Variants in ASTN1 observed in about 807,000 individuals in gnomAD.
ASTN1 encodes the protein astrotactin 1.
A neutral mutation model predicts 140.7 loss-of-function variants in ASTN1; 41 were observed. That is an observed-to-expected ratio of 0.29 (90% CI 0.23 to 0.38). The LOEUF (loss-of-function observed/expected upper bound fraction) is 0.38, where lower values mean the gene tolerates loss of function less well. ASTN1 is among the 10% of genes least tolerant of loss of function. The probability of loss-of-function intolerance (pLI) is 1.00; values close to 1 mark genes in which losing one functional copy is unlikely to be tolerated. For synonymous variants in ASTN1, 640 were observed against 652.2 expected (o/e 0.98, Z 0.29); for missense variants, 1,479 against 1,678.8 (o/e 0.88, Z 2.08).
chr1:176,876,387 GGCAACGCT>G, intron 21 of ASTN1, 142 bp downstream of exon 21: 1 of 736,852 alleles, frequency 1.4e-6, no homozygotes, highest in Non-Finnish European at 2.2e-6. Flanking sequence ...TTTCTGGAAA[GGCAACGCT>G]CCTGTACTGG....
chr1:176,953,030 T>C (rs1462756646), intron 11 of ASTN1, among the ~76,000 whole-genome samples: 1 of 152,178 alleles, frequency 6.6e-6, no homozygotes, highest in African/African-American at 2.4e-5. Flanking sequence ...ATACACAAGG[T>C]TAATCACCTT....
At position 176,925,856 on chromosome 1, in the gene ASTN1, A is replaced by T. The variant is rs554746806; in HGVS notation, c.2671+8296T>A. On this transcript the variant is annotated intron_variant, in intron 16 of 22. Coordinates refer to ENST00000361833, the MANE Select transcript of ASTN1 (RefSeq NM_004319.3). ...AGTCTCGCTCTGTCACCCAGGCTGG[A>T]CTGCAGTGGCACAATCTCGGCTCAC... Among the ~76,000 whole-genome samples, 59 of 147,998 alleles carry T rather than the reference A, an allele frequency of 4.0e-4. No homozygotes were observed. The East Asian group carries it at 8.1e-3, about 20-fold the overall frequency.
At chr1:176,926,719 T>C (rs1230346991) in intron 16 of ASTN1, among the ~76,000 whole-genome samples, 1 of 152,212 alleles carries the variant, frequency 6.6e-6, no homozygotes, top group Non-Finnish European at 1.5e-5. Flanking sequence ...GAAAGATCCT[T>C]TGGAGCTAGT....
chr1:176,984,516 C>T (rs1336090111), intron 8 of ASTN1, among the ~76,000 whole-genome samples: 2 of 152,152 alleles, frequency 1.3e-5, no homozygotes, highest in Non-Finnish European at 2.9e-5. Flanking sequence ...CAGGGAAAGA[C>T]TAGACTGGAG....
chr1:176,913,009 G>A (rs1015946111), intron 16 of ASTN1, among the ~76,000 whole-genome samples: 5 of 152,152 alleles, frequency 3.3e-5, no homozygotes, highest in East Asian at 1.9e-4. Flanking sequence ...ACGGAAGGTC[G>A]TGCCCACCCC....
In ASTN1 at chr1:176,941,865, G is replaced by A. The variant is rs577985498; in HGVS notation, c.2377+2026C>T. Reference sequence around the variant, plus strand: ...TCAAGGCATTTTACACACACATGTGGAATGTGTCTGCCCAAATGGTGTGGC... The same window carrying A: ...TCAAGGCATTTTACACACACATGTGAAATGTGTCTGCCCAAATGGTGTGGC... On this transcript the variant is annotated intron_variant, in intron 14 of 22. Coordinates refer to ENST00000361833, the MANE Select transcript of ASTN1 (RefSeq NM_004319.3). Among the ~76,000 whole-genome samples, 3 of 152,298 alleles carry A rather than the reference G, an allele frequency of 2.0e-5. No homozygotes were observed. The East Asian group carries it at 5.8e-4, about 29-fold the overall frequency.
At chr1:176,908,489 T>C (rs775285541) in intron 16 of ASTN1, among the ~76,000 whole-genome samples, 3 of 152,192 alleles carry the variant, frequency 2.0e-5, no homozygotes, top group South Asian at 2.1e-4. Flanking sequence ...TAGCATATCA[T>C]ATCCCAGGCC....
At chr1:176,957,604 C>T in intron 11 of ASTN1, 74 bp downstream of exon 11, 1 of 1,547,894 alleles carries the variant, frequency 6.5e-7, no homozygotes, top group South Asian at 1.2e-5. Flanking sequence ...CCCTATGTAT[C>T]TGTATTGTGT....
intron 16 of ASTN1, among the ~76,000 whole-genome samples, chr1:176,906,992 C>A (rs1390908649): frequency 6.6e-6 from 1 of 152,248 alleles, no homozygotes; most frequent in South Asian, 2.1e-4. Context: ...GAACCCTTGA[C>A]TAGCACAAGT....
At chr1:176,937,820 T>C (rs1458392041) in intron 14 of ASTN1, among the ~76,000 whole-genome samples, 1 of 152,148 alleles carries the variant, frequency 6.6e-6, no homozygotes, top group Non-Finnish European at 1.5e-5. Context: ...AATACATATG[T>C]AGTGAATTAT....
chr1:176,910,782 A>G (rs546204295), intron 16 of ASTN1, among the ~76,000 whole-genome samples: 32 of 152,312 alleles, frequency 2.1e-4, no homozygotes, highest in African/African-American at 7.7e-4. Flanking sequence ...GCAGGAAGTG[A>G]GCGGTGGGTG....
chr1:177,133,556 G>A (rs1244293756), intron 1 of ASTN1, among the ~76,000 whole-genome samples: 1 of 152,124 alleles, frequency 6.6e-6, no homozygotes, highest in African/African-American at 2.4e-5. Flanking sequence ...TGATGGGGCA[G>A]GAATGGGGTT....
At chr1:177,062,545 T>C (rs1247526285) in intron 1 of ASTN1, among the ~76,000 whole-genome samples, 2 of 128,146 alleles carry the variant, frequency 1.6e-5, no homozygotes, top group African/African-American at 6.0e-5. Context: ...TGGCCTGGCC[T>C]TTTTTTTTTT....
At chr1:177,098,782 A>G (rs1017422411) in intron 1 of ASTN1, among the ~76,000 whole-genome samples, 2 of 152,202 alleles carry the variant, frequency 1.3e-5, no homozygotes, top group Non-Finnish European at 2.9e-5. Flanking sequence ...AATTAATATC[A>G]TCTTGTAGAT....
At position 177,160,081 on chromosome 1, in the gene ASTN1, C is replaced by T. The variant is rs576755584; in HGVS notation, c.283+4313G>A. On this transcript the variant is annotated intron_variant, in intron 1 of 22. Coordinates refer to ENST00000361833, the MANE Select transcript of ASTN1 (RefSeq NM_004319.3). ...GTGAGTGTGCTTTCCCTATTTTAAC[C>T]ATTTTCAGGGCTCCTTTTGTTCAAC... Among the ~76,000 whole-genome samples, 4 of 152,272 alleles carry T rather than the reference C, an allele frequency of 2.6e-5. No individual in the cohort carries two copies. The South Asian group carries it at 8.3e-4, about 32-fold the overall frequency.
intron 2 of ASTN1, among the ~76,000 whole-genome samples, chr1:177,035,754 C>G (rs1030408188): frequency 6.6e-6 from 1 of 152,196 alleles, no homozygotes; most frequent in Non-Finnish European, 1.5e-5. Context: ...AACTACAGAA[C>G]TAGACAGTGC....
intron 8 of ASTN1, among the ~76,000 whole-genome samples, chr1:176,968,367 C>G (rs576267339): frequency 6.6e-6 from 1 of 152,304 alleles, no homozygotes; most frequent in East Asian, 1.9e-4. Context: ...CCCTAAGGTG[C>G]AAATGCAATG....
At chr1:177,115,588 T>C (rs576652970) in intron 1 of ASTN1, among the ~76,000 whole-genome samples, 98 of 151,550 alleles carry the variant, frequency 6.5e-4, no homozygotes, top group African/African-American at 2.2e-3. Context: ...ACCCAGGAGG[T>C]GGAGGTTGCA....
chr1:177,041,679 G>C (rs373726449), intron 2 of ASTN1, among the ~76,000 whole-genome samples: 1 of 152,218 alleles, frequency 6.6e-6, no homozygotes, highest in South Asian at 2.1e-4. Context: ...TACTCCATTA[G>C]GATCAAACAT....
Sources: gnomAD v4.1 joint callset for allele counts (sites outside exome capture counted in the v4.1 genomes callset) on GRCh38, gnomAD v4.1.1 for gene constraint, MANE v1.5 for transcripts, NCBI Gene and HGNC (gene_info 2026-07-23, HGNC 2026-07-21) for gene names.